ANGPT1: variants seen among roughly 807,000 people sequenced by gnomAD.
ANGPT1 encodes the protein angiopoietin 1.
Under a neutral mutation model 62.2 loss-of-function variants are expected in ANGPT1, and 17 were observed. The observed-to-expected ratio is 0.27, with a 90% CI of 0.19 to 0.41. The LOEUF (loss-of-function observed/expected upper bound fraction) is 0.41, where lower values mean the gene tolerates loss of function less well. Among genes scored for constraint, ANGPT1 ranks in the 10% least tolerant of loss-of-function variants. ANGPT1 has a pLI of 1.00. For synonymous variants in ANGPT1, 199 were observed against 198.9 expected (o/e 1.00, Z 0.00); for missense variants, 478 against 594.9 (o/e 0.80, Z 2.04).
At chr8:107,431,748 T>A (rs1474262784) in intron 1 of ANGPT1, among the ~76,000 whole-genome samples, 1 of 148,776 alleles carries the variant, frequency 6.7e-6, no homozygotes, top group African/African-American at 2.5e-5. Context: ...TTTTTTTTTA[T>A]CATCAAAGTA....
Position 107,497,865 on chromosome 8 carries a change from C to T in ANGPT1, c.-307G>A. ...TCAGCATGGAGCCTGCCTGAGTCAG[C>T]TGCGTGTACATATTCTAGACCCTTT... On this transcript the variant is annotated 5_prime_UTR_variant, in exon 1 of 9. Coordinates refer to ENST00000517746, the MANE Select transcript of ANGPT1 (RefSeq NM_001146.5). The T allele has an allele frequency of 2.0e-6, 1 of 512,724 alleles. No homozygotes were observed. The highest frequency in any genetic ancestry group is 3.1e-5 in the East Asian group (1 of 32,384). 31.8% of individuals were successfully genotyped at this position (512,724 alleles called of 1,614,324 possible). A position where few individuals can be genotyped will look rare whatever the true frequency, so the allele number is the denominator to read the frequency against.
intron 4 of ANGPT1, among the ~76,000 whole-genome samples, chr8:107,306,202 G>A (rs534415880): frequency 6.6e-6 from 1 of 152,076 alleles, no homozygotes; most frequent in African/African-American, 2.4e-5. Flanking sequence ...AGTCTAGGGG[G>A]TGGTGGATGC....
At chr8:107,487,265 T>C (rs1812838195) in intron 1 of ANGPT1, among the ~76,000 whole-genome samples, 1 of 152,062 alleles carries the variant, frequency 6.6e-6, no homozygotes, top group Non-Finnish European at 1.5e-5. Context: ...ACAAGAGAAA[T>C]AAAAAGGAGA....
intron 1 of ANGPT1, among the ~76,000 whole-genome samples, chr8:107,491,659 C>T: frequency 6.6e-6 from 1 of 152,032 alleles, no homozygotes; most frequent in Non-Finnish European, 1.5e-5. Context: ...ACAAGAAGGC[C>T]AATGTCACTT....
At chr8:107,427,722 A>G (rs972010036) in intron 1 of ANGPT1, among the ~76,000 whole-genome samples, 6 of 152,212 alleles carry the variant, frequency 3.9e-5, no homozygotes, top group Non-Finnish European at 8.8e-5. Flanking sequence ...GGATTGTTTT[A>G]GACTGTCTCT....
Position 107,441,843 on chromosome 8 carries a change from T to G in ANGPT1, c.297+55419A>C, listed in dbSNP as rs561597727. On this transcript the variant is annotated intron_variant, in intron 1 of 8. Transcript: ENST00000517746. Reference sequence around the variant, plus strand: ...GCTCATGCCTGTAATCCCAGCACTTTGGGAGGCCGAGGTGGGTAGATCACG... The same window carrying G: ...GCTCATGCCTGTAATCCCAGCACTTGGGGAGGCCGAGGTGGGTAGATCACG... Among the ~76,000 whole-genome samples the G allele has an allele frequency of 9.2e-5, 14 of 152,174 alleles. No individual in the cohort carries two copies. In the South Asian group the frequency reaches 2.9e-3, roughly 32 times the overall value.
intron 7 of ANGPT1, among the ~76,000 whole-genome samples, chr8:107,269,673 G>C (rs1813694190): frequency 6.6e-6 from 1 of 151,470 alleles, no homozygotes; most frequent in Admixed American, 6.6e-5. Flanking sequence ...TGTTCCTCCA[G>C]AAAAAAACAT....
chr8:107,476,587 T>TAAATA (rs1812537440), intron 1 of ANGPT1, among the ~76,000 whole-genome samples: 1 of 151,702 alleles, frequency 6.6e-6, no homozygotes. Context: ...TAAAGTATAA[T>TAAATA]AATAAATAAA....
At chr8:107,345,071 A>C (rs549294096) in intron 2 of ANGPT1, among the ~76,000 whole-genome samples, 2 of 152,308 alleles carry the variant, frequency 1.3e-5, no homozygotes, top group South Asian at 4.1e-4. Context: ...AGTGAAAAAA[A>C]CACATAGGCG....
intron 5 of ANGPT1, among the ~76,000 whole-genome samples, chr8:107,302,799 T>A (rs1475068615): frequency 1.3e-5 from 2 of 151,944 alleles, no homozygotes; most frequent in African/African-American, 4.8e-5. Context: ...GAAATGTTTC[T>A]CCTATCCTAA....
At chr8:107,394,404 G>C (rs1349899939) in intron 1 of ANGPT1, among the ~76,000 whole-genome samples, 1 of 152,168 alleles carries the variant, frequency 6.6e-6, no homozygotes, top group African/African-American at 2.4e-5. Flanking sequence ...GCCAGCGCCA[G>C]TCTCAGTTCC....
rs1814818674 is a variant in ANGPT1, at chr8:107,310,292, T to C, written c.809-6925A>G. Among the ~76,000 whole-genome samples, 3 of 152,304 alleles carry C rather than the reference T, an allele frequency of 2.0e-5. No homozygotes were observed. In the South Asian group the frequency reaches 6.2e-4, roughly 32 times the overall value. ...GTATTTATCAATATATTGCTTTACA[T>C]GGGAAGTTGAAGCTCAGAAATGCTA... On this transcript the variant is annotated intron_variant, in intron 4 of 8. Coordinates refer to ENST00000517746, the MANE Select transcript of ANGPT1 (RefSeq NM_001146.5).
chr8:107,303,049 T>A (rs4472483), intron 5 of ANGPT1, among the ~76,000 whole-genome samples, 191 bp downstream of exon 5: 1 of 151,512 alleles, frequency 6.6e-6, no homozygotes, highest in Non-Finnish European at 1.5e-5. Context: ...AAAAGGTGTG[T>A]GGATTGGGGA....
At chr8:107,297,300 G>A (rs1245430954) in intron 5 of ANGPT1, among the ~76,000 whole-genome samples, 1 of 151,874 alleles carries the variant, frequency 6.6e-6, no homozygotes, top group African/African-American at 2.4e-5. Flanking sequence ...ATGACACCTT[G>A]GTTAATAGCG....
At chr8:107,268,731 G>A (rs1586173309) in intron 7 of ANGPT1, among the ~76,000 whole-genome samples, 2 of 152,134 alleles carry the variant, frequency 1.3e-5, no homozygotes, top group South Asian at 4.1e-4. Flanking sequence ...TTCTAATAAG[G>A]TGTGAACATA....
chr8:107,327,661 T>C (rs1815321082), intron 3 of ANGPT1, among the ~76,000 whole-genome samples: 1 of 152,114 alleles, frequency 6.6e-6, no homozygotes, highest in Admixed American at 6.6e-5. Context: ...CCTAAATCTA[T>C]ACAAATTGAG....
chr8:107,283,685 T>A (rs185725607), intron 7 of ANGPT1, among the ~76,000 whole-genome samples: 8 of 152,216 alleles, frequency 5.3e-5, no homozygotes, highest in African/African-American at 1.9e-4. Flanking sequence ...ATTCATACAA[T>A]CATATTTTCA....
Position 107,264,255 on chromosome 8 carries a change from G to A in ANGPT1, c.1302C>T (p.Asn434=). ...DFSTKDADND[N]CMCKCALMLT... ...ACATGAGGGCACATTTGCACATACA[G>A]TTGTCATTATCAGCATCTTTAGTGC... Residue 434 remains asparagine (N), a synonymous_variant, in exon 8 of 9, where the codon AAC becomes AAT. Transcript: ENST00000517746. 3.1e-6 allele frequency: 5 copies of A among 1,613,872 alleles called. No homozygotes were observed. In the South Asian group the frequency reaches 5.5e-5, roughly 18 times the overall value.
intron 1 of ANGPT1, among the ~76,000 whole-genome samples, chr8:107,407,436 G>C (rs1817171726): frequency 6.6e-6 from 1 of 152,076 alleles, no homozygotes; most frequent in Admixed American, 6.6e-5. Flanking sequence ...GTTCATCATT[G>C]ACATGGCTTC....
Sources: allele counts gnomAD v4.1 joint callset (sites outside exome capture counted in the v4.1 genomes callset), GRCh38; gene constraint gnomAD v4.1.1; transcripts MANE v1.5; gene names NCBI Gene and HGNC (gene_info 2026-07-23, HGNC 2026-07-21).